Variants in TRPM7 observed in about 807,000 individuals in gnomAD.
TRPM7 encodes the protein transient receptor potential cation channel subfamily M member 7, also known as LTRPC ion channel family member 7.
In TRPM7, 134 loss-of-function variants were observed where a neutral mutation model predicts 229.7. The ratio of observed to expected loss-of-function variants is 0.58; its 90% confidence interval spans 0.51 to 0.67. The LOEUF (loss-of-function observed/expected upper bound fraction) is 0.67, where lower values mean the gene tolerates loss of function less well. Ranked by LOEUF, TRPM7 falls within the 30% of genes least tolerant of loss-of-function variation. TRPM7 has a pLI of 0.00. For missense variants in TRPM7, 1,901 were observed against 2,210.0 expected (o/e 0.86, Z 2.80); for synonymous variants, 699 against 715.2 (o/e 0.98, Z 0.36).
chr15:50,581,693 T>A (rs976308943), intron 29 of TRPM7, among the ~76,000 whole-genome samples: 1 of 152,078 alleles, frequency 6.6e-6, no homozygotes, highest in East Asian at 1.9e-4. Flanking sequence ...TGTGGGTTTA[T>A]TTTTACTTCC....
intron 1 of TRPM7, among the ~76,000 whole-genome samples, chr15:50,674,304 G>A (rs889952664): frequency 1.3e-5 from 2 of 151,822 alleles, no homozygotes; most frequent in African/African-American, 4.8e-5. Flanking sequence ...GCTAATTTTT[G>A]TATTTTTAGT....
At chr15:50,679,518 ATATATATATATATATATATATTT>A (rs1567129248) in intron 1 of TRPM7, among the ~76,000 whole-genome samples, 5 of 17,370 alleles carry the variant, frequency 2.9e-4, no homozygotes, top group African/African-American at 5.6e-4. Context: ...TATAATATAT[ATATATATATATATATATATATTT>A]TTTTTTTTTT....
rs184070826 is a variant in TRPM7 at position 50,588,579 on chromosome 15, A to G, written c.4389+1013T>C. ...AAAGTAATCATTCATAGAAACTCCTACGTCATTATCATTTCCTTGGTTCTA... is the reference window on the plus strand; with the variant it reads ...AAAGTAATCATTCATAGAAACTCCTGCGTCATTATCATTTCCTTGGTTCTA... On this transcript the variant is annotated intron_variant, in intron 27 of 38. Transcript: ENST00000646667. Among the ~76,000 whole-genome samples the G allele has an allele frequency of 1.4e-3, 214 of 152,318 alleles. 3 individuals are homozygous for G. Among genetic ancestry groups the G allele is most frequent in the Non-Finnish European group, 2.4e-3 (164 of 68,012 alleles).
chr15:50,659,940 C>T (rs2061684643), intron 2 of TRPM7, among the ~76,000 whole-genome samples: 1 of 152,180 alleles, frequency 6.6e-6, no homozygotes, highest in East Asian at 1.9e-4. Flanking sequence ...GCTGGGATTA[C>T]AGGCGTGAGC....
At position 50,612,772 on chromosome 15, in the gene TRPM7, T is replaced by A; in HGVS notation, c.1828A>T (p.Ile610Phe). The A allele has an allele frequency of 6.2e-7, 1 of 1,614,086 alleles. No individual in the cohort carries two copies. Among genetic ancestry groups the A allele is most frequent in the Non-Finnish European group, 8.5e-7 (1 of 1,179,996 alleles). The change falls in exon 16 of 39, where the codon ATT becomes TTT. Residue 610 changes from isoleucine to phenylalanine, a missense_variant. Coordinates refer to ENST00000646667, the MANE Select transcript of TRPM7 (RefSeq NM_017672.6). ...AAGCGCTTGGTTTCTGGATCATCAATGTCTACAATTTCATCTTTGGTTCTT... is the reference window on the plus strand; with the variant it reads ...AAGCGCTTGGTTTCTGGATCATCAAAGTCTACAATTTCATCTTTGGTTCTT... ...KKRTKDEIVDIDDPETKRFPY... is the reference protein window; with the variant it reads ...KKRTKDEIVDFDDPETKRFPY...
At chr15:50,644,154 C>T (rs1418649482) in intron 4 of TRPM7, among the ~76,000 whole-genome samples, 2 of 152,024 alleles carry the variant, frequency 1.3e-5, no homozygotes, top group Admixed American at 6.6e-5. Flanking sequence ...ATCAGAAAAT[C>T]GTAATCAACA....
At chr15:50,631,998 A>T (rs2140661386) in intron 9 of TRPM7, among the ~76,000 whole-genome samples, 1 of 152,306 alleles carries the variant, frequency 6.6e-6, no homozygotes, top group East Asian at 1.9e-4. Context: ...GTAATTTAAT[A>T]ACATTTTTCA....
chr15:50,658,111 T>C (rs1301614176), intron 2 of TRPM7, among the ~76,000 whole-genome samples: 1 of 150,320 alleles, frequency 6.7e-6, no homozygotes, highest in African/African-American at 2.4e-5. Context: ...TTCACACCAC[T>C]CTCCTGCCTC....
At chr15:50,648,491 A>C (rs1324217137) in intron 4 of TRPM7, among the ~76,000 whole-genome samples, 196 bp downstream of exon 4, 1 of 152,202 alleles carries the variant, frequency 6.6e-6, no homozygotes, top group African/African-American at 2.4e-5. Context: ...AAATGACAAG[A>C]AACAAAACAC....
intron 1 of TRPM7, among the ~76,000 whole-genome samples, chr15:50,681,038 G>A (rs1378369866): frequency 6.6e-6 from 1 of 152,062 alleles, no homozygotes; most frequent in African/African-American, 2.4e-5. Flanking sequence ...AGATCACGAG[G>A]TCAGGAGTTC....
intron 3 of TRPM7, among the ~76,000 whole-genome samples, chr15:50,649,473 C>T (rs978317001): frequency 6.6e-6 from 1 of 151,312 alleles, no homozygotes; most frequent in African/African-American, 2.4e-5. Flanking sequence ...AGAAAAAATA[C>T]TATCCAATAA....
At chr15:50,637,148 T>C (rs1421635716) in intron 7 of TRPM7, among the ~76,000 whole-genome samples, 1 of 149,160 alleles carries the variant, frequency 6.7e-6, no homozygotes, top group Non-Finnish European at 1.5e-5. Flanking sequence ...AAAAAAAGAA[T>C]ATTTATGAAT....
chr15:50,619,149 T>A (rs766819948), intron 13 of TRPM7, among the ~76,000 whole-genome samples: 1 of 152,138 alleles, frequency 6.6e-6, no homozygotes, highest in African/African-American at 2.4e-5. Flanking sequence ...ATCAACAGTC[T>A]TTCTTTTATG....
intron 13 of TRPM7, among the ~76,000 whole-genome samples, chr15:50,618,509 G>C (rs1051462513): frequency 1.3e-5 from 2 of 151,900 alleles, no homozygotes; most frequent in African/African-American, 4.8e-5. Context: ...GGTGGAGCTT[G>C]CAGTGAGCCA....
intron 7 of TRPM7, among the ~76,000 whole-genome samples, chr15:50,636,813 G>A (rs2060921193): frequency 6.6e-6 from 1 of 152,080 alleles, no homozygotes; most frequent in African/African-American, 2.4e-5. Context: ...TCACAGCCAT[G>A]TATTAGAATA....
intron 3 of TRPM7, among the ~76,000 whole-genome samples, chr15:50,649,353 T>C (rs2140838728): frequency 6.6e-6 from 1 of 151,478 alleles, no homozygotes; most frequent in East Asian, 1.9e-4. Flanking sequence ...GTGGGAGGCT[T>C]GGTTGAGCCC....
intron 33 of TRPM7, 123 bp from the exon 34 acceptor site, chr15:50,575,258 T>G: frequency 1.3e-6 from 1 of 746,764 alleles, no homozygotes; most frequent in Non-Finnish European, 2.0e-6. Flanking sequence ...AAGATGTAGT[T>G]TTATACAAAG....
chr15:50,631,779 T>A (rs969216659), intron 9 of TRPM7, among the ~76,000 whole-genome samples: 27 of 152,204 alleles, frequency 1.8e-4, no homozygotes, highest in Non-Finnish European at 3.5e-4. Flanking sequence ...TTTTGACCTA[T>A]CTTATGTCCC....
chr15:50,682,063 A>C (rs2062250419), intron 1 of TRPM7, among the ~76,000 whole-genome samples: 1 of 151,516 alleles, frequency 6.6e-6, no homozygotes, highest in Non-Finnish European at 1.5e-5. Flanking sequence ...CTGTAATCCC[A>C]GCTACTCGAG....
Sources: gnomAD v4.1 joint callset for allele counts (sites outside exome capture counted in the v4.1 genomes callset) on GRCh38, gnomAD v4.1.1 for gene constraint, MANE v1.5 for transcripts, NCBI Gene and HGNC (gene_info 2026-07-23, HGNC 2026-07-21) for gene names.